Variants in VWA5B1 observed in about 807,000 individuals in gnomAD.
The protein encoded by VWA5B1 is von Willebrand factor A domain-containing protein 5B1.
In VWA5B1, 115 loss-of-function variants were observed where a neutral mutation model predicts 118.2. The observed-to-expected ratio is 0.97, with a 90% confidence interval of 0.84 to 1.14. The LOEUF (loss-of-function observed/expected upper bound fraction) is 1.14. Among genes scored for constraint, VWA5B1 ranks in the 50% most tolerant of loss-of-function variants. VWA5B1 has a pLI of 0.00. For missense variants in VWA5B1, 1,596 were observed against 1,603.8 expected (o/e 1.00, Z 0.08); for synonymous variants, 682 against 658.4 (o/e 1.04, Z -0.55).
intron 21 of VWA5B1, among the ~76,000 whole-genome samples, chr1:20,353,207 G>A (rs2101028280): frequency 6.6e-6 from 1 of 152,344 alleles, no homozygotes; most frequent in South Asian, 2.1e-4. Context: ...CGATTAGGTG[G>A]TGCAGAGCTT....
intron 14 of VWA5B1, chr1:20,339,070 T>C (rs2089803811): frequency 6.6e-6 from 1 of 152,210 alleles, no homozygotes. Context: ...CTGTGCACTG[T>C]AGAATGTTCG....
At chr1:20,312,654 C>T (rs2088882976) in intron 2 of VWA5B1, among the ~76,000 whole-genome samples, 182 bp from the exon 3 acceptor site, 2 of 152,246 alleles carry the variant, frequency 1.3e-5, no homozygotes, top group African/African-American at 4.8e-5. Context: ...TGCCGCTGTG[C>T]TTACCCACCT....
intron 1 of VWA5B1, among the ~76,000 whole-genome samples, chr1:20,304,418 T>C (rs1431409780): frequency 6.6e-6 from 1 of 152,092 alleles, no homozygotes; most frequent in East Asian, 1.9e-4. Context: ...AAGGCAAGCA[T>C]GTAGAACGTG....
intron 16 of VWA5B1, among the ~76,000 whole-genome samples, chr1:20,344,720 G>A (rs1485922366): frequency 6.6e-6 from 1 of 152,114 alleles, no homozygotes; most frequent in Non-Finnish European, 1.5e-5. Context: ...TTTCTTTGTC[G>A]TGGGTTTTGC....
chr1:20,323,665 C>A, intron 8 of VWA5B1, 133 bp downstream of exon 8: 2 of 973,576 alleles, frequency 2.1e-6, no homozygotes, highest in Non-Finnish European at 2.7e-6. Flanking sequence ...CAGAGATACC[C>A]AAACTCCATT....
intron 10 of VWA5B1, 133 bp from the exon 11 acceptor site, chr1:20,330,736 C>A (rs1043388954): frequency 3.3e-6 from 3 of 905,246 alleles, no homozygotes; most frequent in Non-Finnish European, 5.3e-6. Context: ...CCTCTTCCTT[C>A]TCCCTCTCCC....
chr1:20,312,946 GGCCACTTCGAT>G lies in VWA5B1; in HGVS notation c.254_264del (p.His85LeufsTer116). 6.4e-7 allele frequency: 1 copy of G among 1,551,636 alleles called. No individual in the cohort carries two copies. The highest frequency in any genetic ancestry group is 8.7e-7 in the Non-Finnish European group (1 of 1,146,988). On this transcript the variant is annotated frameshift_variant, in exon 3 of 22. Coordinates refer to ENST00000289815, the MANE Select transcript of VWA5B1 (RefSeq NM_001039500.3). LOFTEE classifies it high-confidence loss of function. Reference sequence around the variant, plus strand: ...CAAGGACAAAGCCAAGCTGGAGAGCGGCCACTTCGATGCCTCCCATGTTCGATCCCCAACAG... The same window carrying G: ...CAAGGACAAAGCCAAGCTGGAGAGCGGCCTCCCATGTTCGATCCCCAACAG...
chr1:20,319,530 C>T (rs372910147), intron 7 of VWA5B1, 24 bp downstream of exon 7: 27 of 1,550,382 alleles, frequency 1.7e-5, no homozygotes, highest in African/African-American at 6.9e-5. Flanking sequence ...AGGTGGGGAG[C>T]GGACGGTGGC....
At chr1:20,330,720 A>T in intron 10 of VWA5B1, 149 bp from the exon 11 acceptor site, 1 of 801,102 alleles carries the variant, frequency 1.2e-6, no homozygotes, top group Non-Finnish European at 2.1e-6. Flanking sequence ...GGTACCCCCG[A>T]TGGCCCCTCT....
intron 1 of VWA5B1, among the ~76,000 whole-genome samples, chr1:20,307,571 G>A (rs1475949681): frequency 6.6e-6 from 1 of 152,220 alleles, no homozygotes; most frequent in Non-Finnish European, 1.5e-5. Context: ...CACATTTTCA[G>A]TGTTTAATAA....
intron 8 of VWA5B1, among the ~76,000 whole-genome samples, chr1:20,324,992 C>A (rs1159998824): frequency 6.6e-6 from 1 of 152,170 alleles, no homozygotes; most frequent in African/African-American, 2.4e-5. Context: ...TTTATCAGTT[C>A]GTAAGATGTC....
At position 20,327,944 on chromosome 1, in the gene VWA5B1, A is replaced by G; in HGVS notation, c.1198A>G (p.Ile400Val). 6.4e-7 allele frequency: 1 copy of G among 1,551,570 alleles called. No homozygotes were observed. Residue 400 changes from isoleucine to valine, a missense_variant, in exon 9 of 22, where the codon ATT (isoleucine) becomes GTT (valine). By Grantham distance (29) the Ile-to-Val change is conservative. Coordinates refer to ENST00000289815, the MANE Select transcript of VWA5B1 (RefSeq NM_001039500.3). ...SLMPACLFNI[I>V]GFGSTFKSLF... is the part of the protein sequence containing the mutation. Reference sequence around the variant, plus strand: ...CATGCCAGCCTGCCTCTTCAATATCATTGGGTTTGGATCCACATTTAAGAG... The same window carrying G: ...CATGCCAGCCTGCCTCTTCAATATCGTTGGGTTTGGATCCACATTTAAGAG...
At chr1:20,312,176 C>T (rs754504020) in intron 2 of VWA5B1, among the ~76,000 whole-genome samples, 4 of 152,208 alleles carry the variant, frequency 2.6e-5, no homozygotes, top group Admixed American at 2.6e-4. Flanking sequence ...AACTGCAGGA[C>T]GTCTGGCCCT....
At chr1:20,338,429 A>G (rs1254101585) in intron 14 of VWA5B1, 1 of 202,164 alleles carries the variant, frequency 4.9e-6, no homozygotes, top group Non-Finnish European at 1.0e-5. Flanking sequence ...AGCTCACTGC[A>G]ACCTCTACCT....
rs1225890831 is a variant in VWA5B1 at position 20,356,125 on chromosome 1, C to T, written c.*1862C>T. Among the ~76,000 whole-genome samples the T allele has an allele frequency of 6.6e-6, 1 of 152,238 alleles. No homozygotes were observed. Among genetic ancestry groups the T allele is most frequent in the Non-Finnish European group, 1.5e-5 (1 of 68,040 alleles). On this transcript the variant is annotated 3_prime_UTR_variant, in exon 22 of 22. Transcript: ENST00000289815. ...CACTCCCCATCCCCTGCCAAAATCA[C>T]TTCTTTAGCTATGCAGGCAGCAGCC...
chr1:20,293,698 C>T (rs1345769265), intron 1 of VWA5B1, among the ~76,000 whole-genome samples: 1 of 152,206 alleles, frequency 6.6e-6, no homozygotes, highest in East Asian at 1.9e-4. Context: ...AGTGGGGTCA[C>T]TGGACTGAGT....
intron 14 of VWA5B1, among the ~76,000 whole-genome samples, chr1:20,340,618 TC>T (rs2089852045): frequency 6.6e-6 from 1 of 152,204 alleles, no homozygotes; most frequent in Non-Finnish European, 1.5e-5. Context: ...CCTCATCCCC[TC>T]CCCCTACCAG....
rs557891429 is a variant in VWA5B1 at position 20,343,107 on chromosome 1, G to A, written c.2340G>A (p.Glu780=). Residue 780 remains glutamate (E), a synonymous_variant, in exon 16 of 22, where the codon GAG becomes GAA. Coordinates refer to ENST00000289815, the MANE Select transcript of VWA5B1 (RefSeq NM_001039500.3). ...LEPSHHPSAF[E]TETSSDWDPP... ...CGTCCCACCATCCCTCTGCCTTCGA[G>A]ACAGAGACGTCCTCGGACTGGGACC... The A allele has an allele frequency of 2.6e-6, 4 of 1,535,782 alleles. No homozygotes were observed. The highest frequency in any genetic ancestry group is 1.4e-5 in the African/African-American group (1 of 72,768).
In VWA5B1 at chr1:20,358,771, C is replaced by T. The variant is rs1162837378; in HGVS notation, c.*4508C>T. On this transcript the variant is annotated 3_prime_UTR_variant, in exon 22 of 22. Transcript: ENST00000289815. ...ATCTAGCAGAGACTAGAGAAGTCAA[C>T]AGAAAAAAGATGGACACATTCTTCA... Among the ~76,000 whole-genome samples the T allele has an allele frequency of 6.6e-6, 1 of 152,198 alleles. No homozygotes were observed. Among genetic ancestry groups the T allele is most frequent in the African/African-American group, 2.4e-5 (1 of 41,446 alleles).
Sources: gnomAD v4.1 joint callset for allele counts (sites outside exome capture counted in the v4.1 genomes callset) on GRCh38, gnomAD v4.1.1 for gene constraint, MANE v1.5 for transcripts, NCBI Gene and HGNC (gene_info 2026-07-23, HGNC 2026-07-21) for gene names.